Variants in OCA2 observed in about 807,000 individuals in gnomAD.
The protein encoded by OCA2 is OCA2 melanosomal transmembrane protein.
Under a neutral mutation model 100.2 loss-of-function variants are expected in OCA2, and 77 were observed. That is an observed-to-expected ratio of 0.77 (90% CI 0.64 to 0.93). OCA2 has a LOEUF of 0.93. Ranked by LOEUF, OCA2 falls within the 40% of genes least tolerant of loss-of-function variation. The probability of loss-of-function intolerance (pLI) is 0.00; values close to 1 mark genes in which losing one functional copy is unlikely to be tolerated. For missense variants in OCA2, 1,062 were observed against 1,089.1 expected (o/e 0.98, Z 0.35); for synonymous variants, 432 against 439.2 (o/e 0.98, Z 0.21).
chr15:27,973,776 A>T (rs2040878856), intron 14 of OCA2, among the ~76,000 whole-genome samples: 1 of 152,166 alleles, frequency 6.6e-6, no homozygotes, highest in Non-Finnish European at 1.5e-5. Flanking sequence ...ACTTTGGGCA[A>T]TATGGTCATT....
At chr15:27,899,936 CCT>C (rs992690163) in intron 19 of OCA2, among the ~76,000 whole-genome samples, 5 of 152,106 alleles carry the variant, frequency 3.3e-5, no homozygotes, top group African/African-American at 7.2e-5. Context: ...ATTTTTGCCC[CCT>C]GTCTTAATTA....
At chr15:27,964,710 C>T (rs974521837) in intron 15 of OCA2, among the ~76,000 whole-genome samples, 3 of 152,178 alleles carry the variant, frequency 2.0e-5, no homozygotes, top group Admixed American at 2.0e-4. Context: ...GCTCTGTACA[C>T]CACCACAGGC....
At chr15:27,770,882 G>C (rs185347667) in intron 23 of OCA2, among the ~76,000 whole-genome samples, 1,814 of 46,236 alleles carry the variant, frequency 0.039, 82 homozygotes, top group African/African-American at 0.12. Flanking sequence ...TCCTTCCTTT[G>C]CTCCTTCCCA....
chr15:27,952,980 G>C (rs1336344723), intron 17 of OCA2, among the ~76,000 whole-genome samples: 2 of 152,120 alleles, frequency 1.3e-5, no homozygotes, highest in African/African-American at 4.8e-5. Flanking sequence ...ACCACGCCTG[G>C]CAAGCATCAG....
chr15:28,007,683 T>A (rs2042128375), intron 9 of OCA2, among the ~76,000 whole-genome samples: 1 of 151,744 alleles, frequency 6.6e-6, no homozygotes. Context: ...TGAGCCGAGA[T>A]TGCACTATTG....
chr15:27,935,522 T>C (rs1399196519), intron 18 of OCA2, among the ~76,000 whole-genome samples: 2 of 152,206 alleles, frequency 1.3e-5, no homozygotes, highest in Non-Finnish European at 1.5e-5. Flanking sequence ...AGGCATTTGC[T>C]GGGCATCTCT....
intron 9 of OCA2, among the ~76,000 whole-genome samples, chr15:28,008,779 G>C (rs746075780): frequency 1.1e-4 from 16 of 152,242 alleles, no homozygotes; most frequent in Non-Finnish European, 2.1e-4. Flanking sequence ...AGGGATCAGG[G>C]AGGAGGCCAT....
intron 19 of OCA2, among the ~76,000 whole-genome samples, chr15:27,916,819 T>C (rs2038682856): frequency 6.6e-6 from 1 of 152,214 alleles, no homozygotes; most frequent in Non-Finnish European, 1.5e-5. Context: ...CTACTGTATG[T>C]GCTTCAGAGT....
intron 23 of OCA2, among the ~76,000 whole-genome samples, chr15:27,769,375 G>A (rs1036513553): frequency 6.6e-6 from 1 of 152,178 alleles, no homozygotes; most frequent in African/African-American, 2.4e-5. Flanking sequence ...CAAGGCTTCC[G>A]GATTGCTGGG....
At chr15:27,726,012 G>A in the OCA2 span, among the ~76,000 whole-genome samples, 1 of 151,624 alleles carries the variant, frequency 6.6e-6, no homozygotes, top group Non-Finnish European at 1.5e-5. Context: ...ATAATAAATA[G>A]TTGGCTGGGC....
At chr15:27,963,966 A>C (rs889789773) in intron 15 of OCA2, among the ~76,000 whole-genome samples, 2 of 152,186 alleles carry the variant, frequency 1.3e-5, no homozygotes, top group Non-Finnish European at 2.9e-5. Context: ...GAATATTATG[A>C]ACAATTTTAT....
chr15:27,771,264 T>A (rs1179665641), intron 23 of OCA2, among the ~76,000 whole-genome samples: 1 of 150,152 alleles, frequency 6.7e-6, no homozygotes, highest in Non-Finnish European at 1.5e-5. Context: ...CGCCCCACTC[T>A]CCACCGCGGT....
intron 19 of OCA2, among the ~76,000 whole-genome samples, chr15:27,873,124 A>G (rs1180101132): frequency 6.6e-6 from 1 of 152,246 alleles, no homozygotes. Flanking sequence ...CTTTTATATC[A>G]ACTAAGTCAT....
At chr15:27,796,545 C>G (rs2033345344) in intron 23 of OCA2, among the ~76,000 whole-genome samples, 1 of 152,082 alleles carries the variant, frequency 6.6e-6, no homozygotes, top group East Asian at 1.9e-4. Context: ...GGCAGGTGCT[C>G]AGTGTGTGCT....
At chr15:28,097,286 G>A (rs2045003915) in intron 1 of OCA2, among the ~76,000 whole-genome samples, 1 of 152,240 alleles carries the variant, frequency 6.6e-6, no homozygotes, top group South Asian at 2.1e-4. Flanking sequence ...GCCACAGCCC[G>A]CGACAAGCCG....
At chr15:27,757,138 G>A (rs538219897) in intron 23 of OCA2, among the ~76,000 whole-genome samples, 1 of 152,334 alleles carries the variant, frequency 6.6e-6, no homozygotes, top group South Asian at 2.1e-4. Flanking sequence ...TGAGAGGTAA[G>A]CAGGCTTGCC....
intron 23 of OCA2, among the ~76,000 whole-genome samples, chr15:27,815,818 G>C (rs986252699): frequency 6.6e-6 from 1 of 152,206 alleles, no homozygotes; most frequent in Non-Finnish European, 1.5e-5. Context: ...TGACCCCCGT[G>C]TTTATGTTTT....
At chr15:28,083,926 T>A (rs554548844) in intron 1 of OCA2, among the ~76,000 whole-genome samples, 2 of 152,318 alleles carry the variant, frequency 1.3e-5, no homozygotes, top group South Asian at 4.1e-4. Context: ...CCAGCTTCTT[T>A]AGAAGAACAT....
intron 23 of OCA2, among the ~76,000 whole-genome samples, chr15:27,834,957 C>CA (rs138419423): frequency 0.023 from 3,568 of 152,306 alleles, 46 homozygotes; most frequent in Non-Finnish European, 0.029. Flanking sequence ...GGACATTCAG[C>CA]AGCAAGGAGG....
Sources: gnomAD v4.1 joint callset for allele counts (sites outside exome capture counted in the v4.1 genomes callset) on GRCh38, gnomAD v4.1.1 for gene constraint, MANE v1.5 for transcripts, NCBI Gene and HGNC (gene_info 2026-07-23, HGNC 2026-07-21) for gene names.